Variants in RAPGEF1 observed in about 807,000 individuals in gnomAD.
RAPGEF1 encodes the protein Rap guanine nucleotide exchange factor 1, also known as CRK SH3-binding GNRP.
In RAPGEF1, 33 loss-of-function variants were observed where a neutral mutation model predicts 143.3. The ratio of observed to expected loss-of-function variants is 0.23; its 90% CI spans 0.17 to 0.31. The LOEUF (loss-of-function observed/expected upper bound fraction) is 0.31, where lower values mean the gene tolerates loss of function less well. RAPGEF1 is among the 10% of genes least tolerant of loss of function. RAPGEF1 has a pLI of 1.00. For missense variants in RAPGEF1, 1,199 were observed against 1,645.4 expected, an observed-to-expected ratio of 0.73 and a Z score of 4.69; for synonymous variants, 629 against 676.5, an observed-to-expected ratio of 0.93 and a Z score of 1.09.
At position 131,582,613 on chromosome 9, in the gene RAPGEF1, G is replaced by A. The variant is rs1320221040; in HGVS notation, c.3504C>T (p.Ile1168=). ...AALSEVEPPC[I]PYLGLILQDL... ...GAGGGGCTGCTACTCACAGGTACGG[G>A]ATGCACGGCGGTTCCACCTCCGAGA... is the stretch of plus-strand genomic sequence containing the variant. The change falls in exon 25 of 27, where the codon ATC becomes ATT. Residue 1168 remains isoleucine (I), a synonymous_variant. Coordinates refer to ENST00000683357, the MANE Select transcript of RAPGEF1 (RefSeq NM_001377935.1). 6.5e-6 allele frequency: 10 copies of A among 1,527,224 alleles called. No individual in the cohort carries two copies. Among genetic ancestry groups the A allele is most frequent in the African/African-American group, 5.8e-5 (4 of 68,822 alleles). 94.6% of individuals were successfully genotyped at this position (1,527,224 alleles called of 1,614,324 possible). A position where few individuals can be genotyped will look rare whatever the true frequency, so the allele number is the denominator to read the frequency against.
intron 1 of RAPGEF1, among the ~76,000 whole-genome samples, chr9:131,729,461 T>G (rs750924211): frequency 2.0e-5 from 3 of 152,254 alleles, no homozygotes; most frequent in Non-Finnish European, 4.4e-5. Context: ...GCAAATGTAC[T>G]TTTTAAGCCA....
chr9:131,601,920 AAG>A, intron 15 of RAPGEF1, 139 bp downstream of exon 15: 2 of 643,374 alleles, frequency 3.1e-6, no homozygotes, highest in Non-Finnish European at 5.3e-6. Context: ...AAAACAAAAA[AAG>A]GAAATAAGGA....
At chr9:131,706,106 T>G (rs969845165) in intron 1 of RAPGEF1, among the ~76,000 whole-genome samples, 4 of 152,110 alleles carry the variant, frequency 2.6e-5, no homozygotes, top group Admixed American at 2.6e-4. Flanking sequence ...CAAATCCACA[T>G]AACGATATGC....
chr9:131,729,760 A>G (rs925178167), intron 1 of RAPGEF1, among the ~76,000 whole-genome samples: 1 of 152,220 alleles, frequency 6.6e-6, no homozygotes, highest in Non-Finnish European at 1.5e-5. Flanking sequence ...CTGACTCTTT[A>G]TAAGAACAGA....
intron 6 of RAPGEF1, 37 bp downstream of exon 6, chr9:131,630,199 C>T (rs367719859): frequency 7.7e-5 from 124 of 1,600,638 alleles, no homozygotes; most frequent in Admixed American, 1.0e-4. Context: ...TGCCACTGAG[C>T]GTGACACCCG....
At chr9:131,672,219 G>A (rs983873568) in intron 1 of RAPGEF1, among the ~76,000 whole-genome samples, 2 of 152,222 alleles carry the variant, frequency 1.3e-5, no homozygotes, top group African/African-American at 2.4e-5. Flanking sequence ...AGGCTAATAA[G>A]CTTTTTGACC....
intron 1 of RAPGEF1, among the ~76,000 whole-genome samples, chr9:131,707,721 T>C (rs1330496200): frequency 1.3e-5 from 2 of 152,160 alleles, no homozygotes; most frequent in Admixed American, 1.3e-4. Flanking sequence ...GATTACAGTA[T>C]TGTTTTTAAT....
At position 131,582,702 on chromosome 9, in the gene RAPGEF1, C is replaced by A. The variant is rs200617402; in HGVS notation, c.3415G>T (p.Gly1139Cys). 3.0e-5 allele frequency: 47 copies of A among 1,560,084 alleles called. No homozygotes were observed. Among genetic ancestry groups the A allele is most frequent in the Non-Finnish European group, 3.9e-5 (45 of 1,158,376 alleles). ...ATCAGTGTGCAGTACTCGGCCAGGC[C>A]CTGGCAGGACAGGACAGGACAGGAC... ...RLEWQKQTSE[G>C]LAEYCTLIDS... The change falls in exon 25 of 27, where the codon GGC (glycine) becomes TGC (cysteine). Residue 1139 changes from glycine (G) to cysteine (C), a missense_variant and splice_region_variant. By Grantham distance (159) the Gly-to-Cys change is radical. Coordinates refer to ENST00000683357, the MANE Select transcript of RAPGEF1 (RefSeq NM_001377935.1).
At chr9:131,614,146 C>CA (rs1014746712) in intron 12 of RAPGEF1, among the ~76,000 whole-genome samples, 3 of 152,172 alleles carry the variant, frequency 2.0e-5, no homozygotes, top group East Asian at 3.9e-4. Flanking sequence ...CAACACCCCC[C>CA]CCCAAGGAGG....
Position 131,628,056 on chromosome 9 carries a change from C to T in RAPGEF1, c.1058G>A (p.Gly353Glu). Residue 353 changes from glycine to glutamate, a missense_variant, in exon 9 of 27, where the codon GGA becomes GAA. Gly to Glu is a moderately conservative substitution (Grantham distance 98). Coordinates refer to ENST00000683357, the MANE Select transcript of RAPGEF1 (RefSeq NM_001377935.1). This position sits in a 1 kb window ranked among gnomAD's most constrained non-coding sequence, Gnocchi z 5.7. Reference protein sequence around the residue: ...VDCYAQRRLSGGSHSYGGESP... With the variant: ...VDCYAQRRLSEGSHSYGGESP... ...CTCTCCACCATATGAGTGGCTGCCT[C>T]CTGACAGTCGCCTCTGTGCGTAACA... 2 of 1,570,240 alleles carry T rather than the reference C, an allele frequency of 1.3e-6. No homozygotes were observed. Among genetic ancestry groups the T allele is most frequent in the Non-Finnish European group, 1.7e-6 (2 of 1,158,050 alleles).
chr9:131,616,298 C>T (rs965465442), intron 12 of RAPGEF1, among the ~76,000 whole-genome samples: 3 of 152,024 alleles, frequency 2.0e-5, no homozygotes, highest in Non-Finnish European at 4.4e-5. Flanking sequence ...AAAGCCATGA[C>T]GCACTCAGAC....
intron 1 of RAPGEF1, among the ~76,000 whole-genome samples, chr9:131,719,083 C>G (rs762545831): frequency 3.9e-5 from 6 of 152,176 alleles, no homozygotes; most frequent in Non-Finnish European, 8.8e-5. Flanking sequence ...ATCCTCCCAC[C>G]TCAGCCACCA....
chr9:131,588,445 T>G (rs1361979019), intron 20 of RAPGEF1, among the ~76,000 whole-genome samples: 1 of 152,154 alleles, frequency 6.6e-6, no homozygotes, highest in African/African-American at 2.4e-5. Flanking sequence ...TAGGTGCAAA[T>G]GACACTCACC....
chr9:131,613,163 T>G (rs905619095), intron 12 of RAPGEF1, among the ~76,000 whole-genome samples: 2 of 152,256 alleles, frequency 1.3e-5, no homozygotes, highest in African/African-American at 2.4e-5. Flanking sequence ...AACAACCTTG[T>G]GCTCCCACTG....
intron 1 of RAPGEF1, among the ~76,000 whole-genome samples, chr9:131,689,195 A>G (rs1833596656): frequency 1.3e-5 from 2 of 152,258 alleles, no homozygotes; most frequent in South Asian, 4.1e-4. Context: ...GATTTTTTTT[A>G]TACCTGTCTT....
intron 3 of RAPGEF1, among the ~76,000 whole-genome samples, chr9:131,643,810 TAA>T (rs1968748340): frequency 6.6e-6 from 1 of 152,164 alleles, no homozygotes; most frequent in Non-Finnish European, 1.5e-5. Context: ...CTGTATCCTG[TAA>T]ATCACATCAA....
intron 5 of RAPGEF1, among the ~76,000 whole-genome samples, chr9:131,637,328 G>T (rs1030424137): frequency 1.3e-5 from 2 of 152,052 alleles, no homozygotes; most frequent in Admixed American, 1.3e-4. Flanking sequence ...CAGCAGACAC[G>T]TCAGCCTCCC....
At chr9:131,602,253 T>A in intron 14 of RAPGEF1, 104 bp from the exon 15 acceptor site, 1 of 729,456 alleles carries the variant, frequency 1.4e-6, no homozygotes, top group Non-Finnish European at 2.3e-6. Context: ...TGCAAGTTCC[T>A]ATGGAGCAAT....
At chr9:131,602,022 G>T (rs1956353294) in intron 15 of RAPGEF1, 39 bp downstream of exon 15, 3 of 1,509,586 alleles carry the variant, frequency 2.0e-6, no homozygotes, top group Non-Finnish European at 2.7e-6. Context: ...TGGGCGCACT[G>T]CTCTCGGGGG....
Sources: gnomAD v4.1 joint callset for allele counts (sites outside exome capture counted in the v4.1 genomes callset) on GRCh38, gnomAD v4.1.1 for gene constraint, Gnocchi (gnomAD v3.1) non-coding constraint, MANE v1.5 for transcripts, NCBI Gene and HGNC (gene_info 2026-07-23, HGNC 2026-07-21) for gene names.